The following THSD7B variants were observed in gnomAD, a reference collection of about 807,000 sequenced individuals.
THSD7B encodes thrombospondin type-1 domain-containing protein 7B.
In THSD7B, 138 loss-of-function variants were observed where a neutral mutation model predicts 213.6. That is an observed-to-expected ratio of 0.65 (90% confidence interval 0.56 to 0.74). The LOEUF (loss-of-function observed/expected upper bound fraction) is 0.74, where lower values mean the gene tolerates loss of function less well. THSD7B is among the 30% of genes least tolerant of loss of function. The pLI is 0.00. For synonymous variants in THSD7B, 742 were observed against 687.0 expected (o/e 1.08, Z -1.25); for missense variants, 1,931 against 1,991.5 (o/e 0.97, Z 0.58).
At chr2:137,429,703 T>C (rs1340871138) in intron 14 of THSD7B, among the ~76,000 whole-genome samples, 1 of 152,202 alleles carries the variant, frequency 6.6e-6, no homozygotes, top group Non-Finnish European at 1.5e-5. Flanking sequence ...TTTTGAAGAA[T>C]GAGAGTGCAT....
intron 3 of THSD7B, among the ~76,000 whole-genome samples, chr2:137,078,271 C>G (rs1687672261): frequency 6.6e-6 from 1 of 152,096 alleles, no homozygotes; most frequent in African/African-American, 2.4e-5. Flanking sequence ...ATGCCTCCAG[C>G]TTTGTTCTTT....
intron 4 of THSD7B, among the ~76,000 whole-genome samples, chr2:137,106,560 T>G (rs1005132024): frequency 1.3e-5 from 2 of 152,194 alleles, no homozygotes; most frequent in Non-Finnish European, 2.9e-5. Context: ...GTAGTTAAGC[T>G]GAAGAGCTTC....
At chr2:137,171,815 C>G (rs1414237233) in intron 7 of THSD7B, among the ~76,000 whole-genome samples, 1 of 151,720 alleles carries the variant, frequency 6.6e-6, no homozygotes, top group African/African-American at 2.4e-5. Context: ...CTTTTTTTCT[C>G]TCTCCCTCCC....
intron 14 of THSD7B, among the ~76,000 whole-genome samples, chr2:137,440,774 T>G (rs2105053142): frequency 6.6e-6 from 1 of 152,218 alleles, no homozygotes; most frequent in South Asian, 2.1e-4. Context: ...AGTAGGTAAA[T>G]CTACTATTCT....
intron 15 of THSD7B, among the ~76,000 whole-genome samples, chr2:137,496,613 G>A (rs1219730097): frequency 3.9e-5 from 6 of 152,018 alleles, no homozygotes; most frequent in African/African-American, 1.2e-4. Flanking sequence ...TCAACTGCAC[G>A]TTTAAAAACC....
At chr2:136,848,186 G>C (rs903773819) in intron 1 of THSD7B, among the ~76,000 whole-genome samples, 1 of 152,142 alleles carries the variant, frequency 6.6e-6, no homozygotes, top group Admixed American at 6.6e-5. Flanking sequence ...GTCAAATGTG[G>C]TCAGAGCACT....
intron 7 of THSD7B, among the ~76,000 whole-genome samples, chr2:137,204,597 A>G (rs1368779944): frequency 6.6e-6 from 1 of 152,152 alleles, no homozygotes; most frequent in African/African-American, 2.4e-5. Flanking sequence ...GAAGGACACC[A>G]TTTCAGAAAT....
chr2:137,120,184 A>G (rs995170851), intron 5 of THSD7B, among the ~76,000 whole-genome samples: 10 of 152,154 alleles, frequency 6.6e-5, no homozygotes, highest in African/African-American at 2.4e-4. Context: ...ACATGAGGCC[A>G]AGAGAGATAA....
At chr2:137,133,256 A>G (rs1046200106) in intron 5 of THSD7B, among the ~76,000 whole-genome samples, 2 of 152,288 alleles carry the variant, frequency 1.3e-5, no homozygotes, top group East Asian at 1.9e-4. Flanking sequence ...CGAATAATCT[A>G]TTTTAAAGCA....
chr2:137,362,587 C>T (rs544922116), intron 12 of THSD7B, among the ~76,000 whole-genome samples: 9 of 151,944 alleles, frequency 5.9e-5, no homozygotes, highest in South Asian at 2.1e-4. Flanking sequence ...TTGCAATCCT[C>T]GTCTCTGACA....
At chr2:137,306,680 T>C (rs974798028) in intron 12 of THSD7B, among the ~76,000 whole-genome samples, 1 of 152,076 alleles carries the variant, frequency 6.6e-6, no homozygotes, top group Non-Finnish European at 1.5e-5. Flanking sequence ...TGTGATATCT[T>C]TAGACTGATA....
At chr2:137,157,792 T>C (rs1270625968) in intron 5 of THSD7B, among the ~76,000 whole-genome samples, 1 of 152,226 alleles carries the variant, frequency 6.6e-6, no homozygotes, top group African/African-American at 2.4e-5. Context: ...AGGGAAGTTA[T>C]GCAGATTAAA....
chr2:137,378,906 A>T (rs527379754), intron 12 of THSD7B, among the ~76,000 whole-genome samples: 1 of 152,300 alleles, frequency 6.6e-6, no homozygotes, highest in Non-Finnish European at 1.5e-5. Flanking sequence ...CCACATGTGT[A>T]TTAGCTATTC....
At chr2:136,903,361 A>T (rs1222254573) in intron 2 of THSD7B, among the ~76,000 whole-genome samples, 1 of 152,164 alleles carries the variant, frequency 6.6e-6, no homozygotes, top group Non-Finnish European at 1.5e-5. Flanking sequence ...ATAAGGAGAT[A>T]ACATGGTTTT....
At chr2:136,838,241 A>G in intron 1 of THSD7B, among the ~76,000 whole-genome samples, 1 of 152,134 alleles carries the variant, frequency 6.6e-6, no homozygotes, top group Middle Eastern at 3.2e-3. Context: ...GCTTTTCTTA[A>G]GATCTGCTTC....
chr2:137,121,413 G>A (rs1688543588), intron 5 of THSD7B, among the ~76,000 whole-genome samples: 1 of 152,154 alleles, frequency 6.6e-6, no homozygotes, highest in Admixed American at 6.6e-5. Context: ...TGAAGAGGAA[G>A]AACATGTGCA....
chr2:137,036,447 G>A lies in THSD7B; in HGVS notation c.140-19973G>A, dbSNP rs1387843760. Among the ~76,000 whole-genome samples, 8 of 152,264 alleles carry A rather than the reference G, an allele frequency of 5.3e-5. No individual in the cohort carries two copies. In the East Asian group the frequency reaches 1.5e-3, roughly 29 times the overall value. On this transcript the variant is annotated intron_variant, in intron 2 of 27. Transcript: ENST00000409968. ...AATTTATGAGTGACTATATGAGAAT[G>A]AAGGAAATATATTATCATTCTAATG...
intron 3 of THSD7B, among the ~76,000 whole-genome samples, chr2:137,075,601 C>G (rs375920107): frequency 1.3e-5 from 2 of 152,204 alleles, no homozygotes; most frequent in East Asian, 1.9e-4. Context: ...AAGTCATTCT[C>G]CGTCCAGCTT....
chr2:137,129,947 G>T (rs1432209), intron 5 of THSD7B, among the ~76,000 whole-genome samples: 104,678 of 151,620 alleles, frequency 0.69, 37,326 homozygotes, highest in Non-Finnish European at 0.77. Flanking sequence ...GTAAAAGATA[G>T]TTTTATTTCA....
Sources: gnomAD v4.1 joint callset for allele counts (sites outside exome capture counted in the v4.1 genomes callset) on GRCh38, gnomAD v4.1.1 for gene constraint, MANE v1.5 for transcripts, NCBI Gene and HGNC (gene_info 2026-07-23, HGNC 2026-07-21) for gene names.